TMC1: variants seen among roughly 807,000 people sequenced by gnomAD.
TMC1 encodes transmembrane channel-like protein 1.
Under a neutral mutation model 105.8 loss-of-function variants are expected in TMC1, and 84 were observed. The ratio of observed to expected loss-of-function variants is 0.79; its 90% CI spans 0.67 to 0.95. TMC1 has a LOEUF of 0.95. Ranked by LOEUF, TMC1 falls within the 40% of genes least tolerant of loss-of-function variation. The pLI, the probability that TMC1 is intolerant of heterozygous loss-of-function variation, is 0.00. For missense variants in TMC1, 817 were observed against 914.1 expected (o/e 0.89, Z 1.37); for synonymous variants, 315 against 311.5 (o/e 1.01, Z -0.12).
chr9:72,652,535 G>C (rs984044181), intron 5 of TMC1, among the ~76,000 whole-genome samples: 4 of 152,160 alleles, frequency 2.6e-5, no homozygotes, highest in Non-Finnish European at 5.9e-5. Context: ...TAAGGGAGTA[G>C]ACAGTTACCA....
chr9:72,634,513 C>G (rs1330983049), intron 4 of TMC1, among the ~76,000 whole-genome samples: 1 of 152,182 alleles, frequency 6.6e-6, no homozygotes, highest in Non-Finnish European at 1.5e-5. Context: ...TTCAGTCCCC[C>G]ACCAAGGAGG....
rs1828966487 is a variant in TMC1 at position 72,826,922 on chromosome 9, C to T, written c.2057C>T (p.Pro686Leu). ...VIGETLEHDFPSWMAKILRQL... is the reference protein window; with the variant it reads ...VIGETLEHDFLSWMAKILRQL... ...GGAGAGACCCTGGAGCACGATTTCC[C>T]AAGCTGGATGGCGAAGATCTTGAGA... The change falls in exon 21 of 24, where the codon CCA becomes CTA. Residue 686 changes from proline to leucine, a missense_variant. Physicochemically the swap from Pro to Leu is moderately conservative, Grantham distance 98. Coordinates refer to ENST00000297784, the MANE Select transcript of TMC1 (RefSeq NM_138691.3). 1 of 1,613,934 alleles carries T rather than the reference C, an allele frequency of 6.2e-7. No individual in the cohort carries two copies. The highest frequency in any genetic ancestry group is 8.5e-7 in the Non-Finnish European group (1 of 1,179,964).
chr9:72,670,822 G>A (rs1257753025), intron 5 of TMC1, among the ~76,000 whole-genome samples: 2 of 152,144 alleles, frequency 1.3e-5, no homozygotes, highest in Non-Finnish European at 2.9e-5. Flanking sequence ...ATCAAAACAT[G>A]TATGACAACA....
intron 1 of TMC1, among the ~76,000 whole-genome samples, chr9:72,565,859 C>G (rs1341523411): frequency 6.6e-6 from 1 of 152,128 alleles, no homozygotes; most frequent in Non-Finnish European, 1.5e-5. Context: ...AAAACTTATC[C>G]CCATGATTCA....
At chr9:72,758,395 A>G (rs1188336925) in intron 12 of TMC1, among the ~76,000 whole-genome samples, 3 of 152,244 alleles carry the variant, frequency 2.0e-5, no homozygotes, top group East Asian at 1.9e-4. Flanking sequence ...AAAAAAATGT[A>G]CAAAGCTTAA....
intron 1 of TMC1, among the ~76,000 whole-genome samples, chr9:72,543,762 A>G (rs898264953): frequency 4.6e-5 from 7 of 151,896 alleles, no homozygotes; most frequent in Non-Finnish European, 1.0e-4. Context: ...ATCTTTTTTT[A>G]TTTTTTAACT....
chr9:72,522,791 TGCTGGAACAGC>T (rs1823336569), intron 1 of TMC1, among the ~76,000 whole-genome samples: 1 of 152,252 alleles, frequency 6.6e-6, no homozygotes, highest in Non-Finnish European at 1.5e-5. Flanking sequence ...TCTGTGGAGC[TGCTGGAACAGC>T]GCTGAATAGG....
intron 3 of TMC1, among the ~76,000 whole-genome samples, 185 bp downstream of exon 3, chr9:72,616,662 C>A (rs889140939): frequency 9.0e-6 from 1 of 110,504 alleles, no homozygotes; most frequent in Non-Finnish European, 2.1e-5. Flanking sequence ...GATGCATTTT[C>A]CTAAACTAAA....
At chr9:72,572,550 G>C (rs1824307128) in intron 1 of TMC1, among the ~76,000 whole-genome samples, 1 of 152,080 alleles carries the variant, frequency 6.6e-6, no homozygotes, top group Non-Finnish European at 1.5e-5. Context: ...CATAGACATG[G>C]GACTAAAGGA....
At chr9:72,542,640 T>G (rs1823698008) in intron 1 of TMC1, among the ~76,000 whole-genome samples, 2 of 151,830 alleles carry the variant, frequency 1.3e-5, no homozygotes, top group African/African-American at 4.8e-5. Flanking sequence ...AGGCACTGAC[T>G]CATTGAGCAA....
intron 5 of TMC1, among the ~76,000 whole-genome samples, chr9:72,665,187 T>G (rs969252436): frequency 6.6e-6 from 1 of 152,238 alleles, no homozygotes; most frequent in East Asian, 1.9e-4. Flanking sequence ...TTGACTGAAG[T>G]GTCGTTATGT....
intron 8 of TMC1, among the ~76,000 whole-genome samples, chr9:72,736,148 G>A (rs903740786): frequency 1.4e-4 from 21 of 152,084 alleles, no homozygotes; most frequent in African/African-American, 4.8e-4. Context: ...AGGCTAGGGC[G>A]GGGTAGTAAT....
intron 9 of TMC1, 137 bp downstream of exon 9, chr9:72,740,346 A>G: frequency 1.5e-6 from 1 of 662,182 alleles, no homozygotes; most frequent in Non-Finnish European, 2.6e-6. Flanking sequence ...TACACAGTAT[A>G]TCTGTGGTAT....
intron 1 of TMC1, among the ~76,000 whole-genome samples, chr9:72,559,389 T>G (rs1023542549): frequency 6.6e-6 from 1 of 152,152 alleles, no homozygotes; most frequent in East Asian, 1.9e-4. Flanking sequence ...CCACTGTGCC[T>G]GGCAAGAGAT....
chr9:72,735,338 A>G (rs1490476670), intron 8 of TMC1, among the ~76,000 whole-genome samples: 3 of 152,232 alleles, frequency 2.0e-5, no homozygotes, highest in Non-Finnish European at 4.4e-5. Context: ...ACAAAAGCCT[A>G]TTTCATTTTA....
chr9:72,597,103 G>A (rs1824733571), intron 2 of TMC1, among the ~76,000 whole-genome samples: 1 of 152,224 alleles, frequency 6.6e-6, no homozygotes, highest in South Asian at 2.1e-4. Context: ...ACATGTGGGA[G>A]ACTTTTTAGA....
intron 8 of TMC1, among the ~76,000 whole-genome samples, chr9:72,703,956 T>A (rs923208438): frequency 6.6e-6 from 1 of 152,220 alleles, no homozygotes; most frequent in African/African-American, 2.4e-5. Flanking sequence ...TCTCTTTGAA[T>A]GCTCTATTGA....
chr9:72,623,081 C>T (rs1275717771), intron 3 of TMC1, among the ~76,000 whole-genome samples: 1 of 146,328 alleles, frequency 6.8e-6, no homozygotes, highest in Non-Finnish European at 1.5e-5. Context: ...AGAAAAACAA[C>T]AACAACAACA....
chr9:72,576,689 G>A (rs1256362430), intron 1 of TMC1, among the ~76,000 whole-genome samples: 1 of 143,302 alleles, frequency 7.0e-6, no homozygotes, highest in Admixed American at 7.5e-5. Flanking sequence ...GCAGTGGCAC[G>A]ATCTCGGCTC....
Sources: gnomAD v4.1 joint callset for allele counts (sites outside exome capture counted in the v4.1 genomes callset) on GRCh38, gnomAD v4.1.1 for gene constraint, MANE v1.5 for transcripts, NCBI Gene and HGNC (gene_info 2026-07-23, HGNC 2026-07-21) for gene names.